GLIPR1L2: variants seen among roughly 807,000 people sequenced by gnomAD.
GLIPR1L2 encodes GLIPR1 like 2, also known as GLIPR1-like protein 2.
GLIPR1L2 carries 21 observed loss-of-function variants against 28.4 expected under a neutral mutation model. That is an observed-to-expected ratio of 0.74 (90% CI 0.52 to 1.06). GLIPR1L2 has a LOEUF of 1.06. Among genes scored for constraint, GLIPR1L2 ranks in the 50% least tolerant of loss-of-function variants. The pLI is 0.00. For missense variants in GLIPR1L2, 476 were observed against 416.9 expected (o/e 1.14, Z -1.23); for synonymous variants, 145 against 139.3 (o/e 1.04, Z -0.29).
chr12:75,416,701 A>G (rs2045926843), intron 3 of GLIPR1L2, among the ~76,000 whole-genome samples: 2 of 151,774 alleles, frequency 1.3e-5, no homozygotes, highest in African/African-American at 4.8e-5. Context: ...GGGGTCTCAG[A>G]TGACTACAGT....
At chr12:75,394,087 G>A (rs972176355) in intron 1 of GLIPR1L2, among the ~76,000 whole-genome samples, 3 of 152,026 alleles carry the variant, frequency 2.0e-5, no homozygotes, top group East Asian at 3.9e-4. Context: ...TATTCAAGTC[G>A]TTTGCACATT....
intron 1 of GLIPR1L2, among the ~76,000 whole-genome samples, chr12:75,407,965 A>C (rs1331287806): frequency 6.6e-6 from 1 of 152,064 alleles, no homozygotes; most frequent in East Asian, 1.9e-4. Flanking sequence ...ACCAAATGCT[A>C]AGCCCAATTA....
intron 1 of GLIPR1L2, among the ~76,000 whole-genome samples, chr12:75,406,016 T>G (rs1469853638): frequency 6.6e-6 from 1 of 151,860 alleles, no homozygotes; most frequent in Non-Finnish European, 1.5e-5. Flanking sequence ...TTTTTGCTTT[T>G]AAAGTAATCG....
intron 3 of GLIPR1L2, among the ~76,000 whole-genome samples, chr12:75,422,664 C>T (rs1227507294): frequency 3.3e-5 from 5 of 152,046 alleles, no homozygotes; most frequent in Non-Finnish European, 5.9e-5. Flanking sequence ...GCTTTAAAAC[C>T]GATTCTTATA....
chr12:75,393,681 T>C (rs2045654221), intron 1 of GLIPR1L2, among the ~76,000 whole-genome samples: 1 of 152,110 alleles, frequency 6.6e-6, no homozygotes, highest in Admixed American at 6.5e-5. Flanking sequence ...ATTTGGCTGT[T>C]GTGAATAATA....
chr12:75,423,189 C>G, intron 4 of GLIPR1L2, 200 bp downstream of exon 4: 1 of 1,427,138 alleles, frequency 7.0e-7, no homozygotes, highest in Non-Finnish European at 9.1e-7. Context: ...TCTATCTTAA[C>G]CCTATTCCTT....
intron 1 of GLIPR1L2, among the ~76,000 whole-genome samples, chr12:75,398,170 C>A (rs12366783): frequency 0.48 from 73,279 of 151,298 alleles, 17,949 homozygotes; most frequent in East Asian, 0.58. Context: ...TCCCTACTAA[C>A]AATACAAAAA....
intron 3 of GLIPR1L2, among the ~76,000 whole-genome samples, chr12:75,418,130 A>C (rs1395204563): frequency 1.3e-5 from 2 of 152,100 alleles, no homozygotes; most frequent in African/African-American, 4.8e-5. Flanking sequence ...GTAATTTATA[A>C]ATATTTCCGC....
Position 75,410,465 on chromosome 12 carries a change from G to C in GLIPR1L2, c.266G>C (p.Arg89Thr), listed in dbSNP as rs761514357. ...GATGTAGCTTTATCACGGACTGCTA[G>C]AGCATGGGGAAAAAAATGTTTGTTT... ...TWDVALSRTA[R>T]AWGKKCLFTH... The change falls in exon 2 of 6, where the codon AGA (arginine) becomes ACA (threonine). Residue 89 changes from arginine to threonine, a missense_variant. Arg to Thr is a moderately conservative substitution (Grantham distance 71). Coordinates refer to ENST00000550916, the MANE Select transcript of GLIPR1L2 (RefSeq NM_001270396.2). The C allele has an allele frequency of 2.5e-6, 4 of 1,608,374 alleles. No individual in the cohort carries two copies. Among genetic ancestry groups the C allele is most frequent in the Non-Finnish European group, 3.4e-6 (4 of 1,176,880 alleles).
At chr12:75,393,903 G>C (rs77893261) in intron 1 of GLIPR1L2, among the ~76,000 whole-genome samples, 2,832 of 151,846 alleles carry the variant, frequency 0.019, 75 homozygotes, top group African/African-American at 0.065. Context: ...GATAACACTT[G>C]TTATTTTCTG....
At position 75,431,903 on chromosome 12, in the gene GLIPR1L2, G is replaced by C. The variant is rs2046096133; in HGVS notation, c.*742G>C. The C allele has an allele frequency of 6.6e-6, 1 of 151,780 alleles. No homozygotes were observed. The highest frequency in any genetic ancestry group is 1.5e-5 in the Non-Finnish European group (1 of 67,884). 9.4% of individuals were successfully genotyped at this position (151,780 alleles called of 1,614,324 possible). A position where few individuals can be genotyped will look rare whatever the true frequency, so the allele number is the denominator to read the frequency against. On this transcript the variant is annotated 3_prime_UTR_variant, in exon 6 of 6. Coordinates refer to ENST00000550916, the MANE Select transcript of GLIPR1L2 (RefSeq NM_001270396.2). ...AAACTATTAACTTGTTATTCAATAG[G>C]TATAGTAAAAGTTAACAGATTAATA... is the stretch of plus-strand genomic sequence containing the variant.
chr12:75,417,814 T>A (rs921463522), intron 3 of GLIPR1L2, among the ~76,000 whole-genome samples: 1 of 152,066 alleles, frequency 6.6e-6, no homozygotes, highest in African/African-American at 2.4e-5. Context: ...CTAGTCCTTA[T>A]TTTTCATTTT....
intron 1 of GLIPR1L2, among the ~76,000 whole-genome samples, chr12:75,394,266 A>G (rs1044217572): frequency 4.6e-5 from 7 of 152,066 alleles, no homozygotes; most frequent in Admixed American, 6.5e-5. Context: ...TTTAACGTCA[A>G]TGAAGTATAA....
rs1443387119 is a variant in GLIPR1L2, at chr12:75,410,695, TTTG to T, written c.480+19_480+21del. On this transcript the variant is annotated intron_variant, in intron 2 of 5. Transcript: ENST00000550916. ...TTATATTCAGGTATGTAATTTTTATTTTGTTATTAATTCAAACACTTCTTAATT... is the reference window on the plus strand; with the variant it reads ...TTATATTCAGGTATGTAATTTTTATTTTATTAATTCAAACACTTCTTAATT... The T allele has an allele frequency of 1.3e-6, 2 of 1,555,008 alleles. No homozygotes were observed. The highest frequency in any genetic ancestry group is 2.7e-5 in the African/African-American group (2 of 72,730).
intron 4 of GLIPR1L2, among the ~76,000 whole-genome samples, chr12:75,430,439 G>GT (rs765888606): frequency 6.5e-4 from 99 of 152,286 alleles, no homozygotes; most frequent in Non-Finnish European, 1.0e-3. Context: ...GGCAGAAGTG[G>GT]AGAAATGTAT....
intron 4 of GLIPR1L2, among the ~76,000 whole-genome samples, chr12:75,429,030 G>A (rs1273647260): frequency 6.6e-6 from 1 of 152,226 alleles, no homozygotes; most frequent in Non-Finnish European, 1.5e-5. Flanking sequence ...GAGGGGAAAT[G>A]TGGAGTGGGG....
At chr12:75,430,642 T>TA (rs2046081822) in intron 4 of GLIPR1L2, 73 bp from the exon 5 acceptor site, 2 of 1,353,140 alleles carry the variant, frequency 1.5e-6, no homozygotes, top group Admixed American at 2.2e-5. Context: ...ACACTATTAT[T>TA]GGGAGATTAT....
intron 4 of GLIPR1L2, 34 bp downstream of exon 4, chr12:75,423,023 A>G: frequency 6.3e-7 from 1 of 1,596,670 alleles, no homozygotes; most frequent in Non-Finnish European, 8.5e-7. Flanking sequence ...AAAAAAATGC[A>G]TAATGGATTG....
intron 4 of GLIPR1L2, among the ~76,000 whole-genome samples, chr12:75,427,642 G>T (rs1275573454): frequency 1.3e-5 from 2 of 152,140 alleles, no homozygotes; most frequent in African/African-American, 4.8e-5. Context: ...ATATTGTTTA[G>T]CTCTGTGTCC....
Sources: allele counts gnomAD v4.1 joint callset (sites outside exome capture counted in the v4.1 genomes callset), GRCh38; gene constraint gnomAD v4.1.1; transcripts MANE v1.5; gene names NCBI Gene and HGNC (gene_info 2026-07-23, HGNC 2026-07-21).